The following TPPP variants were observed in gnomAD, a reference collection of about 807,000 sequenced individuals.
The protein encoded by TPPP is tubulin polymerization-promoting protein.
TPPP carries 6 observed loss-of-function variants against 15.5 expected under a neutral mutation model. The observed-to-expected ratio is 0.39, with a 90% CI of 0.21 to 0.77. The LOEUF is 0.77. TPPP is among the 30% of genes least tolerant of loss of function. The pLI, the probability that TPPP is intolerant of heterozygous loss-of-function variation, is 0.42. For synonymous variants in TPPP, 146 were observed against 133.9 expected (o/e 1.09, Z -0.63); for missense variants, 269 against 307.2 (o/e 0.88, Z 0.93).
chr5:696,216 G>A (rs1338640593), upstream of TPPP, among the ~76,000 whole-genome samples: 1 of 139,462 alleles, frequency 7.2e-6, no homozygotes, highest in Non-Finnish European at 1.6e-5. Flanking sequence ...GAGATGCTGG[G>A]CCATCTGGGT....
chr5:668,876 G>A (rs940709343), intron 2 of TPPP, among the ~76,000 whole-genome samples: 19 of 152,316 alleles, frequency 1.2e-4, no homozygotes, highest in African/African-American at 3.6e-4. Context: ...CGCACCCAAC[G>A]CGGTGGGTGC....
In TPPP at chr5:664,973, C is replaced by T. The variant is rs760137654; in HGVS notation, c.*129G>A. ...GGCAGGAGGGAGGCCTGGGCCTGGC[C>T]GCCCCCCAGCCCCCTCTGGGGCACC... On this transcript the variant is annotated 3_prime_UTR_variant, in exon 4 of 4. Transcript: ENST00000360578. The T allele has an allele frequency of 5.2e-5, 59 of 1,134,944 alleles. No individual in the cohort carries two copies. The highest frequency in any genetic ancestry group is 1.1e-4 in the African/African-American group (7 of 64,520). 70.3% of individuals were successfully genotyped at this position (1,134,944 alleles called of 1,614,324 possible).
At chr5:668,418 G>A (rs559573436) in intron 2 of TPPP, among the ~76,000 whole-genome samples, 1 of 125,678 alleles carries the variant, frequency 8.0e-6, no homozygotes, top group South Asian at 2.5e-4. Flanking sequence ...ACACAGAGAG[G>A]GGGCCGCGTG....
chr5:683,358 C>T (rs577294126), intron 1 of TPPP, among the ~76,000 whole-genome samples: 1 of 152,284 alleles, frequency 6.6e-6, no homozygotes, highest in South Asian at 2.1e-4. Context: ...GGGAAGTGAC[C>T]AGGCTGGGAG....
Position 663,080 on chromosome 5 carries a change from T to TCG in TPPP, c.*2021_*2022insCG, listed in dbSNP as rs1189148657. 1 of 150,446 alleles carries TCG rather than the reference T, an allele frequency of 6.6e-6. No individual in the cohort carries two copies. 9.3% of individuals were successfully genotyped at this position (150,446 alleles called of 1,614,324 possible). On this transcript the variant is annotated 3_prime_UTR_variant, in exon 4 of 4. Coordinates refer to ENST00000360578, the MANE Select transcript of TPPP (RefSeq NM_007030.3). ...GTGATCGGGTGATTCCGATGACTGC[T>TCG]TGTCTGTGATTGGGCGATTCCGGTG...
At chr5:666,150 T>TTA (rs778366074) in intron 2 of TPPP, 27 bp from the exon 3 acceptor site, 14 of 1,535,414 alleles carry the variant, frequency 9.1e-6, no homozygotes, top group South Asian at 9.1e-5. Flanking sequence ...GACTTAGGGC[T>TTA]GGGCGCGGGC....
At chr5:698,512 G>A in the TPPP span, among the ~76,000 whole-genome samples, 1 of 151,998 alleles carries the variant, frequency 6.6e-6, no homozygotes, top group Non-Finnish European at 1.5e-5. Flanking sequence ...ACACGGCTGG[G>A]GAGGCCTCCC....
chr5:677,013 AACGCGCAC>A (rs1045978866), intron 2 of TPPP, among the ~76,000 whole-genome samples: 2 of 147,106 alleles, frequency 1.4e-5, no homozygotes, highest in African/African-American at 5.2e-5. Context: ...CACACGCAGA[AACGCGCAC>A]ACGTGCACAC....
intron 1 of TPPP, among the ~76,000 whole-genome samples, chr5:682,404 G>A (rs1195983633): frequency 2.0e-5 from 3 of 150,124 alleles, no homozygotes; most frequent in Non-Finnish European, 4.4e-5. Context: ...CTGTTACTAG[G>A]ACCTGGGGTC....
chr5:671,253 C>T (rs1483870736), intron 2 of TPPP, among the ~76,000 whole-genome samples: 9 of 66,198 alleles, frequency 1.4e-4, no homozygotes, highest in African/African-American at 4.1e-4. Context: ...TGGGGAGGGG[C>T]GGGGGTGGGG....
chr5:671,990 A>G (rs1740239572), intron 2 of TPPP, among the ~76,000 whole-genome samples: 1 of 152,206 alleles, frequency 6.6e-6, no homozygotes, highest in Non-Finnish European at 1.5e-5. Context: ...TGGGATGGAC[A>G]GACAGGAGGA....
At chr5:668,742 C>T (rs1740063839) in intron 2 of TPPP, among the ~76,000 whole-genome samples, 2 of 152,266 alleles carry the variant, frequency 1.3e-5, no homozygotes, top group Admixed American at 1.3e-4. Flanking sequence ...ATGTTTACCA[C>T]TGTTCTGCTC....
intron 2 of TPPP, among the ~76,000 whole-genome samples, chr5:671,285 G>C (rs1740214543): frequency 6.6e-6 from 1 of 152,166 alleles, no homozygotes. Flanking sequence ...ACCGCCCTGT[G>C]GACATCACTA....
chr5:680,199 T>C (rs1171587780), intron 1 of TPPP, among the ~76,000 whole-genome samples: 2 of 115,694 alleles, frequency 1.7e-5, no homozygotes, highest in African/African-American at 8.1e-5. Flanking sequence ...TCAGCCCCTC[T>C]CAGCACAGCA....
At chr5:674,251 C>A (rs1346538732) in intron 2 of TPPP, among the ~76,000 whole-genome samples, 1 of 152,212 alleles carries the variant, frequency 6.6e-6, no homozygotes, top group African/African-American at 2.4e-5. Flanking sequence ...CCAGATGTGT[C>A]CACACGCCCG....
chr5:669,291 G>A (rs1414251624), intron 2 of TPPP, among the ~76,000 whole-genome samples: 5 of 151,752 alleles, frequency 3.3e-5, no homozygotes, highest in Non-Finnish European at 5.9e-5. Context: ...CCGGTGAGCC[G>A]GAGGTGCCCT....
chr5:682,184 G>A (rs1457929136), intron 1 of TPPP, among the ~76,000 whole-genome samples: 1 of 148,730 alleles, frequency 6.7e-6, no homozygotes, highest in Non-Finnish European at 1.5e-5. Flanking sequence ...GAGCTGTCCA[G>A]GGGCTGGAAA....
intron 2 of TPPP, among the ~76,000 whole-genome samples, chr5:675,282 T>A (rs10067461): frequency 1.1e-4 from 3 of 26,176 alleles, no homozygotes; most frequent in African/African-American, 1.6e-4. Flanking sequence ...CCCAGGGGGT[T>A]CAGTGTGGCC....
At chr5:669,816 G>A (rs1740139255) in intron 2 of TPPP, among the ~76,000 whole-genome samples, 1 of 152,080 alleles carries the variant, frequency 6.6e-6, no homozygotes, top group Non-Finnish European at 1.5e-5. Context: ...CCCCCGCCTG[G>A]GGCAGTCCTC....
Sources: allele counts gnomAD v4.1 joint callset (sites outside exome capture counted in the v4.1 genomes callset), GRCh38; gene constraint gnomAD v4.1.1; transcripts MANE v1.5; gene names NCBI Gene and HGNC (gene_info 2026-07-23, HGNC 2026-07-21).